DPYSL3: variants seen among roughly 807,000 people sequenced by gnomAD.
DPYSL3 encodes dihydropyrimidinase-related protein 3.
Under a neutral mutation model 66.1 loss-of-function variants are expected in DPYSL3, and 16 were observed. The observed-to-expected ratio is 0.24, with a 90% CI of 0.16 to 0.37. DPYSL3 has a LOEUF of 0.37. Among genes scored for constraint, DPYSL3 ranks in the 10% least tolerant of loss-of-function variants. The pLI, the probability that DPYSL3 is intolerant of heterozygous loss-of-function variation, is 1.00. For synonymous variants in DPYSL3, 338 were observed against 345.1 expected, an observed-to-expected ratio of 0.98 and a Z score of 0.23; for missense variants, 738 against 916.2, an observed-to-expected ratio of 0.81 and a Z score of 2.51.
chr5:147,460,277 T>C (rs1388324808), intron 1 of DPYSL3, among the ~76,000 whole-genome samples: 1 of 152,246 alleles, frequency 6.6e-6, no homozygotes, highest in Non-Finnish European at 1.5e-5. Context: ...TATAGTCTGA[T>C]GAACTTATCT....
At chr5:147,468,483 T>G (rs1753040970) in intron 1 of DPYSL3, among the ~76,000 whole-genome samples, 1 of 152,220 alleles carries the variant, frequency 6.6e-6, no homozygotes, top group South Asian at 2.1e-4. Flanking sequence ...ACCACAAAGT[T>G]AAACTTCTCT....
chr5:147,465,074 A>T (rs2126415493), intron 1 of DPYSL3, among the ~76,000 whole-genome samples: 1 of 152,296 alleles, frequency 6.6e-6, no homozygotes, highest in South Asian at 2.1e-4. Flanking sequence ...CATGCCTGTA[A>T]TTCCAGCTAC....
intron 1 of DPYSL3, among the ~76,000 whole-genome samples, chr5:147,487,558 G>T (rs1753352779): frequency 6.6e-6 from 1 of 151,986 alleles, no homozygotes; most frequent in Admixed American, 6.6e-5. Context: ...ATTGTCCATG[G>T]GTCAAATCCA....
At chr5:147,484,442 C>A (rs1753297340) in intron 1 of DPYSL3, among the ~76,000 whole-genome samples, 1 of 152,174 alleles carries the variant, frequency 6.6e-6, no homozygotes, top group Admixed American at 6.5e-5. Context: ...GGAGACAGGA[C>A]TTGAAAGGGG....
At chr5:147,426,580 G>A (rs1752202337) in intron 1 of DPYSL3, among the ~76,000 whole-genome samples, 1 of 152,142 alleles carries the variant, frequency 6.6e-6, no homozygotes, top group South Asian at 2.1e-4. Flanking sequence ...AAGGGGTCAA[G>A]GGCAGGGAGA....
At chr5:147,467,784 C>G (rs760400942) in intron 1 of DPYSL3, among the ~76,000 whole-genome samples, 7 of 152,142 alleles carry the variant, frequency 4.6e-5, no homozygotes, top group Non-Finnish European at 8.8e-5. Flanking sequence ...TCTTAGACTG[C>G]GTAATGTACA....
intron 13 of DPYSL3, among the ~76,000 whole-genome samples, 181 bp from the exon 14 acceptor site, chr5:147,394,304 C>G (rs936686074): frequency 6.6e-6 from 1 of 152,114 alleles, no homozygotes; most frequent in Non-Finnish European, 1.5e-5. Flanking sequence ...CTTATGGCCC[C>G]GAAAACTAGC....
chr5:147,430,315 G>A (rs1170807825), intron 1 of DPYSL3, among the ~76,000 whole-genome samples: 8 of 151,912 alleles, frequency 5.3e-5, no homozygotes, highest in Non-Finnish European at 8.8e-5. Flanking sequence ...GGCCAACATG[G>A]TGAAACCCTG....
chr5:147,497,605 A>G (rs901730518), intron 1 of DPYSL3, among the ~76,000 whole-genome samples: 4 of 152,114 alleles, frequency 2.6e-5, no homozygotes, highest in Non-Finnish European at 4.4e-5. Flanking sequence ...ATCACATTAC[A>G]TTACACATAA....
intron 1 of DPYSL3, among the ~76,000 whole-genome samples, chr5:147,456,099 T>C (rs957519271): frequency 3.3e-5 from 5 of 152,214 alleles, no homozygotes; most frequent in African/African-American, 1.2e-4. Context: ...TCATCAGAAA[T>C]GTACAACAAA....
At chr5:147,437,707 G>C (rs1265462970) in intron 1 of DPYSL3, among the ~76,000 whole-genome samples, 1 of 152,198 alleles carries the variant, frequency 6.6e-6, no homozygotes, top group Non-Finnish European at 1.5e-5. Context: ...AGTGCAAAGA[G>C]GGTCCTCATT....
intron 1 of DPYSL3, among the ~76,000 whole-genome samples, chr5:147,500,563 G>A (rs745785401): frequency 3.7e-4 from 55 of 149,794 alleles, no homozygotes; most frequent in Admixed American, 1.5e-3. Flanking sequence ...GCAGTGAGCC[G>A]AGGTGGCACC....
intron 1 of DPYSL3, among the ~76,000 whole-genome samples, chr5:147,508,195 G>C (rs1753708087): frequency 6.6e-6 from 1 of 152,220 alleles, no homozygotes; most frequent in South Asian, 2.1e-4. Flanking sequence ...TGTTTTCCAA[G>C]TGGTACCCTT....
chr5:147,417,944 G>A (rs950549748), intron 3 of DPYSL3, among the ~76,000 whole-genome samples: 3 of 151,994 alleles, frequency 2.0e-5, no homozygotes, highest in African/African-American at 7.3e-5. Flanking sequence ...CAAGCTCAGC[G>A]ATTTTGAAAA....
intron 2 of DPYSL3, among the ~76,000 whole-genome samples, chr5:147,424,351 A>G (rs1297823088): frequency 2.0e-5 from 3 of 152,240 alleles, no homozygotes; most frequent in African/African-American, 4.8e-5. Flanking sequence ...AAACCTACAC[A>G]TAAAACTTAC....
intron 1 of DPYSL3, among the ~76,000 whole-genome samples, chr5:147,468,039 G>T (rs894032306): frequency 3.3e-5 from 5 of 152,158 alleles, no homozygotes; most frequent in African/African-American, 1.2e-4. Context: ...CTGTCACATT[G>T]AATTTTAGGC....
chr5:147,472,853 C>G (rs997887175), intron 1 of DPYSL3: 1 of 152,056 alleles, frequency 6.6e-6, no homozygotes, highest in Non-Finnish European at 1.5e-5. Context: ...ACATAATTAC[C>G]ATAATAGGTT....
chr5:147,494,631 C>A (rs554522316), intron 1 of DPYSL3, among the ~76,000 whole-genome samples: 182 of 148,172 alleles, frequency 1.2e-3, no homozygotes, highest in African/African-American at 4.4e-3. Context: ...TTTGGGAGGC[C>A]GAGGCGGGCA....
intron 7 of DPYSL3, 94 bp from the exon 8 acceptor site, chr5:147,405,824 A>G (rs1337944539): frequency 8.0e-6 from 12 of 1,490,882 alleles, no homozygotes; most frequent in Non-Finnish European, 9.0e-7. Context: ...AGTGCTGCAC[A>G]AAGGTTATGG....
Sources: gnomAD v4.1 joint callset for allele counts (sites outside exome capture counted in the v4.1 genomes callset) on GRCh38, gnomAD v4.1.1 for gene constraint, MANE v1.5 for transcripts, NCBI Gene and HGNC (gene_info 2026-07-23, HGNC 2026-07-21) for gene names.